KIF17: variants seen among roughly 807,000 people sequenced by gnomAD.
KIF17 encodes the protein kinesin-like protein KIF17.
In KIF17, 80 loss-of-function variants were observed where a neutral mutation model predicts 96.8. The ratio of observed to expected loss-of-function variants is 0.83; its 90% CI spans 0.69 to 1.00. The LOEUF (loss-of-function observed/expected upper bound fraction) is 1.00. Ranked by LOEUF, KIF17 falls within the 50% of genes least tolerant of loss-of-function variation. KIF17 has a pLI of 0.00. For synonymous variants in KIF17, 567 were observed against 587.5 expected (o/e 0.97, Z 0.51); for missense variants, 1,280 against 1,372.9 (o/e 0.93, Z 1.07).
intron 12 of KIF17, 82 bp from the exon 13 acceptor site, chr1:20,670,570 G>T: frequency 7.5e-7 from 1 of 1,341,702 alleles, no homozygotes; most frequent in Non-Finnish European, 1.1e-6. Context: ...TGGGGGTCAG[G>T]CCTGGCTCAG....
At position 20,681,125 on chromosome 1, in the gene KIF17, C is replaced by CAA. The variant is rs752792783; in HGVS notation, c.2463+1526_2463+1527dup. On this transcript the variant is annotated intron_variant, in intron 11 of 14. Coordinates refer to ENST00000400463, the MANE Select transcript of KIF17 (RefSeq NM_001122819.3). ...TGGGTGACAGAGCAAGACTCTGTCT[C>CAA]AAAAAAAAAAAAAATCCAGGAAAAT... 1.9e-3 allele frequency among the ~76,000 whole-genome samples: 196 copies of CAA among 105,036 alleles called. 2 individuals carry two copies. The highest frequency in any genetic ancestry group is 6.5e-3 in the African/African-American group (185 of 28,344). The allele number at this position is 105,036 out of a possible 152,430, so 68.9% of individuals were successfully genotyped here. A position where few individuals can be genotyped will look rare whatever the true frequency, so the allele number is the denominator to read the frequency against.
chr1:20,670,579 A>G (rs41265075), intron 12 of KIF17, 91 bp from the exon 13 acceptor site: 83,497 of 1,188,978 alleles, frequency 0.07, 3,453 homozygotes, highest in Non-Finnish European at 0.089. Flanking sequence ...GGCCTGGCTC[A>G]GGCTTAAACA....
Position 20,704,850 on chromosome 1 carries a change from G to A in KIF17, c.720C>T (p.Asp240=). The change falls in exon 5 of 15, where the codon GAC becomes GAT. Residue 240 remains aspartate (D), a synonymous_variant. Coordinates refer to ENST00000400463, the MANE Select transcript of KIF17 (RefSeq NM_001122819.3). This position sits in a 1 kb window ranked among gnomAD's most constrained non-coding sequence, Gnocchi z 6.8. ...HLRAGKLNLV[D]LAGSERQSKT... The stretch of plus-strand genomic sequence containing the variant: ...TGGACTGCCGCTCGCTGCCCGCCAG[G>A]TCCACCAGGTTCAGCTTGCCCGCCC... 1 of 1,603,950 alleles carries A rather than the reference G, an allele frequency of 6.2e-7. No homozygotes were observed. Among genetic ancestry groups the A allele is most frequent in the African/African-American group, 1.3e-5 (1 of 75,046 alleles).
At chr1:20,666,764 CCTT>C (rs1444572480) in intron 13 of KIF17, among the ~76,000 whole-genome samples, 1 of 152,212 alleles carries the variant, frequency 6.6e-6, no homozygotes, top group Non-Finnish European at 1.5e-5. Context: ...GGAATCCAAA[CCTT>C]CTTATCACCA....
chr1:20,716,439 C>A (rs1570491744), intron 1 of KIF17, among the ~76,000 whole-genome samples: 1 of 152,152 alleles, frequency 6.6e-6, no homozygotes, highest in African/African-American at 2.4e-5. Flanking sequence ...TGGGGCGGGG[C>A]ACACAGCGAC....
At chr1:20,677,504 A>G (rs531880608) in intron 11 of KIF17, among the ~76,000 whole-genome samples, 14 of 152,200 alleles carry the variant, frequency 9.2e-5, no homozygotes, top group Non-Finnish European at 1.5e-4. Flanking sequence ...TTATCAAGAG[A>G]GGACTGACTC....
intron 2 of KIF17, among the ~76,000 whole-genome samples, chr1:20,714,002 C>A: frequency 6.6e-6 from 1 of 152,074 alleles, no homozygotes; most frequent in Non-Finnish European, 1.5e-5. Flanking sequence ...GCCTGACCAA[C>A]AAGGTGAAAC....
At chr1:20,716,632 C>T (rs1459536647) in intron 1 of KIF17, among the ~76,000 whole-genome samples, 1 of 152,104 alleles carries the variant, frequency 6.6e-6, no homozygotes, top group Non-Finnish European at 1.5e-5. Context: ...GAGGGGTCAG[C>T]TTGAGTAAAG....
chr1:20,685,925 T>G lies in KIF17; in HGVS notation c.2019+121A>C. Reference sequence around the variant, plus strand: ...GCCACAAGCCCGGGGAAGGCTGGAGTTGTTGTTCTCAGCTCATGGATGAGG... The same window carrying G: ...GCCACAAGCCCGGGGAAGGCTGGAGGTGTTGTTCTCAGCTCATGGATGAGG... On this transcript the variant is annotated intron_variant, in intron 9 of 14. Coordinates refer to ENST00000400463, the MANE Select transcript of KIF17 (RefSeq NM_001122819.3). This position sits in a 1 kb window ranked among gnomAD's most constrained non-coding sequence, Gnocchi z 4.1. 1.2e-6 allele frequency: 1 copy of G among 837,372 alleles called. No homozygotes were observed. Among genetic ancestry groups the G allele is most frequent in the South Asian group, 1.5e-5 (1 of 68,224 alleles). The allele number at this position is 837,372 out of a possible 1,614,324, so 51.9% of individuals were successfully genotyped here. A position where few individuals can be genotyped will look rare whatever the true frequency, so the allele number is the denominator to read the frequency against.
Position 20,690,352 on chromosome 1 carries a change from G to GGGGGGGGGCC in KIF17, c.1234-18_1234-17insGGCCCCCCCC. On this transcript the variant is annotated splice_polypyrimidine_tract_variant and intron_variant, in intron 6 of 14. Transcript: ENST00000400463. Reference sequence around the variant, plus strand: ...TTCATACTCCTGGGGGGGTGGGAGGGACCAGAGGGCAGGCAGCATTTTATC... The same window carrying GGGGGGGGGCC: ...TTCATACTCCTGGGGGGGTGGGAGGGGGGGGGGGCCACCAGAGGGCAGGCAGCATTTTATC... 3 of 451,170 alleles carry GGGGGGGGGCC rather than the reference G, an allele frequency of 6.6e-6. No individual in the cohort carries two copies. Among genetic ancestry groups the GGGGGGGGGCC allele is most frequent in the Non-Finnish European group, 1.3e-5 (3 of 235,148 alleles). The allele number at this position is 451,170 out of a possible 1,614,324, so 27.9% of individuals were successfully genotyped here.
chr1:20,687,853 C>G lies in KIF17; in HGVS notation c.1473G>C (p.Gln491His). The G allele has an allele frequency of 6.2e-7, 1 of 1,614,090 alleles. No individual in the cohort carries two copies. Among genetic ancestry groups the G allele is most frequent in the Non-Finnish European group, 8.5e-7 (1 of 1,180,036 alleles). The change falls in exon 8 of 15, where the codon CAG (glutamine) becomes CAC (histidine). Residue 491 changes from glutamine (Q) to histidine (H), a missense_variant. Physicochemically the swap from Gln to His is conservative, Grantham distance 24. Coordinates refer to ENST00000400463, the MANE Select transcript of KIF17 (RefSeq NM_001122819.3). The surrounding 1 kb of genome is among the most constrained non-coding windows in gnomAD (Gnocchi z 4.4). ...ASSAEYPPAF[Q>H]YETVVKPKVF... ...CCTTGGGTTTCACCACTGTCTCATACTGAAAAGCAGGCGGGTACTCAGCGC... is the reference window on the plus strand; with the variant it reads ...CCTTGGGTTTCACCACTGTCTCATAGTGAAAAGCAGGCGGGTACTCAGCGC...
At chr1:20,715,848 G>C (rs949038071) in intron 1 of KIF17, among the ~76,000 whole-genome samples, 1 of 152,248 alleles carries the variant, frequency 6.6e-6, no homozygotes, top group Non-Finnish European at 1.5e-5. Flanking sequence ...GGATGGGGAA[G>C]AGCCTGAGCT....
In KIF17 at chr1:20,704,242, C is replaced by A. The variant is rs1039901259; in HGVS notation, c.1123+205G>T. 6.6e-6 allele frequency among the ~76,000 whole-genome samples: 1 copy of A among 152,086 alleles called. No homozygotes were observed. The highest frequency in any genetic ancestry group is 2.4e-5 in the African/African-American group (1 of 41,394). ...CCTGCGTCAGATGGGACAGGCCAGACGGACTGCCCTCCTCCCAGGACACTG... is the reference window on the plus strand; with the variant it reads ...CCTGCGTCAGATGGGACAGGCCAGAAGGACTGCCCTCCTCCCAGGACACTG... On this transcript the variant is annotated intron_variant, in intron 5 of 14. Transcript: ENST00000400463. This position sits in a 1 kb window ranked among gnomAD's most constrained non-coding sequence, Gnocchi z 6.8.
rs1163395535 is a variant in KIF17 at position 20,687,882 on chromosome 1, T to C, written c.1444A>G (p.Ser482Gly). 1.2e-6 allele frequency: 2 copies of C among 1,613,842 alleles called. No homozygotes were observed. Among genetic ancestry groups the C allele is most frequent in the East Asian group, 2.2e-5 (1 of 44,880 alleles). ...AAAGCAGGCGGGTACTCAGCGCTGCTGGCAAACTCAGCCCTGGACATGACC... is the reference window on the plus strand; with the variant it reads ...AAAGCAGGCGGGTACTCAGCGCTGCCGGCAAACTCAGCCCTGGACATGACC... ...AEVMSRAEFA[S>G]SAEYPPAFQY... The change falls in exon 8 of 15, where the codon AGC becomes GGC. Residue 482 changes from serine to glycine, a missense_variant. Transcript: ENST00000400463. This position sits in a 1 kb window ranked among gnomAD's most constrained non-coding sequence, Gnocchi z 4.4.
At position 20,704,632 on chromosome 1, in the gene KIF17, G is replaced by A. The variant is rs144903116; in HGVS notation, c.938C>T (p.Ser313Leu). ...CTCATCGTAGTTGTTGTCCGCAGGC[G>A]ACAGGCAGGCCACCATGAGCGTCTT... Reference protein sequence around the residue: ...NTKTLMVACLSPADNNYDETL... With the variant: ...NTKTLMVACLLPADNNYDETL... The change falls in exon 5 of 15, where the codon TCG (serine) becomes TTG (leucine). Residue 313 changes from serine (S) to leucine (L), a missense_variant. Transcript: ENST00000400463. This position sits in a 1 kb window ranked among gnomAD's most constrained non-coding sequence, Gnocchi z 6.8. 5.2e-5 allele frequency: 84 copies of A among 1,614,034 alleles called. No homozygotes were observed. Among genetic ancestry groups the A allele is most frequent in the African/African-American group, 1.9e-4 (14 of 74,924 alleles).
At chr1:20,674,672 T>C (rs867059105) in intron 11 of KIF17, among the ~76,000 whole-genome samples, 3 of 152,174 alleles carry the variant, frequency 2.0e-5, no homozygotes, top group Admixed American at 6.6e-5. Flanking sequence ...TACGTTTTCT[T>C]CCAAGAGTTT....
intron 6 of KIF17, among the ~76,000 whole-genome samples, chr1:20,691,651 T>C (rs1350979589): frequency 7.1e-6 from 1 of 140,080 alleles, no homozygotes; most frequent in East Asian, 2.3e-4. Context: ...TTTTTTTTAG[T>C]AGAGACGGAG....
chr1:20,672,628 GGA>G lies in KIF17; in HGVS notation c.2464-434_2464-433del, dbSNP rs1470711506. Among the ~76,000 whole-genome samples, 1 of 152,206 alleles carries G rather than the reference GGA, an allele frequency of 6.6e-6. No homozygotes were observed. Among genetic ancestry groups the G allele is most frequent in the African/African-American group, 2.4e-5 (1 of 41,454 alleles). On this transcript the variant is annotated intron_variant, in intron 11 of 14. Coordinates refer to ENST00000400463, the MANE Select transcript of KIF17 (RefSeq NM_001122819.3). The surrounding 1 kb of genome is among the most constrained non-coding windows in gnomAD (Gnocchi z 4.3). ...AGAATTGCACAAGTGACATCTCTAA[GGA>G]GGACAACAGGCACAAACTCTCCGAC...
chr1:20,662,140 C>A (rs1416741015), downstream of KIF17, among the ~76,000 whole-genome samples: 2 of 152,378 alleles, frequency 1.3e-5, no homozygotes, highest in Middle Eastern at 3.4e-3. Context: ...TAGGAACAGC[C>A]ATTTAATTAC....
Sources: allele counts gnomAD v4.1 joint callset (sites outside exome capture counted in the v4.1 genomes callset), GRCh38; gene constraint gnomAD v4.1.1; non-coding constraint Gnocchi (gnomAD v3.1); transcripts MANE v1.5; gene names NCBI Gene and HGNC (gene_info 2026-07-23, HGNC 2026-07-21).